The following LATS2 variants were observed in gnomAD, a reference collection of about 807,000 sequenced individuals.
LATS2 encodes the protein serine/threonine-protein kinase LATS2.
A neutral mutation model predicts 76.0 loss-of-function variants in LATS2; 24 were observed. That is an observed-to-expected ratio of 0.32 (90% confidence interval 0.23 to 0.44). The LOEUF is 0.44. Among genes scored for constraint, LATS2 ranks in the 20% least tolerant of loss-of-function variants. The pLI is 1.00. For missense variants in LATS2, 1,286 were observed against 1,481.2 expected (o/e 0.87, Z 2.16); for synonymous variants, 692 against 635.4 (o/e 1.09, Z -1.34).
At chr13:20,985,130 G>A (rs1045093673) in intron 4 of LATS2, among the ~76,000 whole-genome samples, 8 of 152,150 alleles carry the variant, frequency 5.3e-5, no homozygotes, top group Non-Finnish European at 1.2e-4. Context: ...ATATAGGAAT[G>A]TCAACTTAAA....
rs67372854 is a variant in LATS2, at chr13:20,982,992, CAAAAAAAAAAAA to C, written c.2482+220_2482+231del. Among the ~76,000 whole-genome samples, 116 of 87,184 alleles carry C rather than the reference CAAAAAAAAAAAA, an allele frequency of 1.3e-3. 1 individual carries two copies. Among genetic ancestry groups the C allele is most frequent in the Middle Eastern group, 9.4e-3 (1 of 106 alleles). The allele number at this position is 87,184 out of a possible 152,430, so 57.2% of individuals were successfully genotyped here. On this transcript the variant is annotated intron_variant, in intron 5 of 7. Transcript: ENST00000382592. ...GGGCAACAAGAGCGAAACTCTGTCT[CAAAAAAAAAAAA>C]AAAAAAAAGTAAACCTGAAATCCAC...
intron 2 of LATS2, among the ~76,000 whole-genome samples, chr13:21,020,671 C>G (rs1872020000): frequency 6.6e-6 from 1 of 152,188 alleles, no homozygotes; most frequent in Non-Finnish European, 1.5e-5. Context: ...CCAGGTCTGC[C>G]TCTCTCCATG....
Position 20,991,070 on chromosome 13 carries a change from G to A in LATS2, c.475+202C>T, listed in dbSNP as rs113945268. Among the ~76,000 whole-genome samples, 15 of 152,366 alleles carry A rather than the reference G, an allele frequency of 9.8e-5. No individual in the cohort carries two copies. Among genetic ancestry groups the A allele is most frequent in the East Asian group, 9.6e-4 (5 of 5,182 alleles). On this transcript the variant is annotated intron_variant, in intron 3 of 7. Transcript: ENST00000382592. The surrounding 1 kb of genome is among the most constrained non-coding windows in gnomAD (Gnocchi z 4.9). ...GGGGCAAGCGCCAGGCGTGTCCCAC[G>A]GTCTACCACTTGGGGCTGCTCCCGC... is the stretch of plus-strand genomic sequence containing the variant.
intron 2 of LATS2, among the ~76,000 whole-genome samples, chr13:21,034,854 A>T (rs1872644018): frequency 6.6e-6 from 1 of 152,266 alleles, no homozygotes; most frequent in South Asian, 2.1e-4. Flanking sequence ...TCCGCTAACA[A>T]ATAAGTCAAT....
chr13:21,014,768 A>G (rs568981690), intron 2 of LATS2, among the ~76,000 whole-genome samples: 2 of 152,262 alleles, frequency 1.3e-5, no homozygotes, highest in Non-Finnish European at 2.9e-5. Flanking sequence ...TTTTTAAAAA[A>G]GAATGTTTGT....
chr13:20,983,798 G>A lies in LATS2; in HGVS notation c.1908C>T (p.Leu636=). Reference sequence around the variant, plus strand: ...GCATCTGCTCCTGCTCAGCTTCACAGAGTCCAGCCTGTGTAGAAGGAAAAG... The same window carrying A: ...GCATCTGCTCCTGCTCAGCTTCACAAAGTCCAGCCTGTGTAGAAGGAAAAG... ...QLEQEMAKAG[L]CEAEQEQMRK... Residue 636 remains leucine (L), a synonymous_variant, in exon 5 of 8, where the codon CTC becomes CTT. Transcript: ENST00000382592. 6.2e-7 allele frequency: 1 copy of A among 1,610,542 alleles called. No homozygotes were observed.
chr13:21,061,127 C>A (rs1392096480), intron 1 of LATS2, among the ~76,000 whole-genome samples: 1 of 151,802 alleles, frequency 6.6e-6, no homozygotes, highest in Non-Finnish European at 1.5e-5. Context: ...ACGGCCTGGA[C>A]TACGAGCCGC....
chr13:21,050,751 G>A (rs1008351071), intron 1 of LATS2, among the ~76,000 whole-genome samples: 5 of 152,216 alleles, frequency 3.3e-5, no homozygotes, highest in East Asian at 1.9e-4. Flanking sequence ...TACCATCGCC[G>A]TGCCAAATAC....
intron 2 of LATS2, among the ~76,000 whole-genome samples, chr13:21,007,583 A>AG (rs1401679177): frequency 2.1e-4 from 4 of 18,780 alleles, no homozygotes; most frequent in African/African-American, 8.5e-4. Flanking sequence ...ATATATATAT[A>AG]TATAGTATAT....
intron 2 of LATS2, among the ~76,000 whole-genome samples, chr13:21,041,384 T>G (rs1289476433): frequency 6.6e-6 from 1 of 152,220 alleles, no homozygotes; most frequent in African/African-American, 2.4e-5. Context: ...GCTGTCTTCT[T>G]TATGCCCTTC....
chr13:21,032,328 C>T (rs540322249), intron 2 of LATS2, among the ~76,000 whole-genome samples: 3 of 152,270 alleles, frequency 2.0e-5, no homozygotes, highest in Middle Eastern at 3.4e-3. Context: ...TGCAATGGCG[C>T]GATCTTGGCT....
At chr13:21,050,164 A>ATACATACATACATACATAC (rs1873224492) in intron 1 of LATS2, among the ~76,000 whole-genome samples, 1 of 150,406 alleles carries the variant, frequency 6.6e-6, no homozygotes, top group Admixed American at 6.7e-5. Flanking sequence ...ACATACATAC[A>ATACATACATACATACATAC]TACATACATA....
intron 2 of LATS2, among the ~76,000 whole-genome samples, chr13:21,001,827 C>G (rs777056755): frequency 3.3e-5 from 5 of 151,706 alleles, no homozygotes; most frequent in Non-Finnish European, 5.9e-5. Context: ...TGCGGTGAGC[C>G]GAGACAGCGC....
chr13:20,973,955 T>C lies in LATS2; in HGVS notation c.*915A>G, dbSNP rs969952446. ...TTTTGATGTATATAAGTTCAGTATA[T>C]GACAAATGTTTCAGTTCCCCCCCCC... On this transcript the variant is annotated 3_prime_UTR_variant, in exon 8 of 8. Coordinates refer to ENST00000382592, the MANE Select transcript of LATS2 (RefSeq NM_014572.3). The C allele has an allele frequency of 9.8e-6, 2 of 203,128 alleles. No individual in the cohort carries two copies. The highest frequency in any genetic ancestry group is 1.9e-5 in the Non-Finnish European group (2 of 104,222). 12.6% of individuals were successfully genotyped at this position (203,128 alleles called of 1,614,324 possible). A position where few individuals can be genotyped will look rare whatever the true frequency, so the allele number is the denominator to read the frequency against.
chr13:21,022,286 ATGTG>A (rs746896733), intron 2 of LATS2, among the ~76,000 whole-genome samples: 2 of 152,146 alleles, frequency 1.3e-5, no homozygotes, highest in Non-Finnish European at 2.9e-5. Context: ...TTGTATGTGC[ATGTG>A]TGTGTGAGTG....
intron 3 of LATS2, among the ~76,000 whole-genome samples, chr13:20,990,814 G>A (rs1186618907): frequency 1.3e-5 from 2 of 152,140 alleles, no homozygotes; most frequent in African/African-American, 2.4e-5. Context: ...CCAGCGCTCT[G>A]CCCACACTGC....
chr13:21,040,960 T>C (rs942183404), intron 2 of LATS2, among the ~76,000 whole-genome samples: 1 of 151,918 alleles, frequency 6.6e-6, no homozygotes, highest in Non-Finnish European at 1.5e-5. Flanking sequence ...TACTTCCCCC[T>C]TGAGGCATGT....
At chr13:21,041,196 C>T (rs900380867) in intron 2 of LATS2, among the ~76,000 whole-genome samples, 10 of 152,016 alleles carry the variant, frequency 6.6e-5, no homozygotes, top group Non-Finnish European at 1.2e-4. Flanking sequence ...ATGGTCTCGA[C>T]CTCCTGACCT....
intron 1 of LATS2, among the ~76,000 whole-genome samples, chr13:21,057,296 CCATG>C (rs886387228): frequency 2.0e-5 from 3 of 152,130 alleles, no homozygotes; most frequent in Non-Finnish European, 2.9e-5. Context: ...AGAAAAATTC[CCATG>C]TATGTCAAAT....
Sources: gnomAD v4.1 joint callset for allele counts (sites outside exome capture counted in the v4.1 genomes callset) on GRCh38, gnomAD v4.1.1 for gene constraint, Gnocchi (gnomAD v3.1) non-coding constraint, MANE v1.5 for transcripts, NCBI Gene and HGNC (gene_info 2026-07-23, HGNC 2026-07-21) for gene names.